The following DLG5 variants were observed in gnomAD, a reference collection of about 807,000 sequenced individuals.
The protein encoded by DLG5 is disks large homolog 5.
In DLG5, 48 loss-of-function variants were observed where a neutral mutation model predicts 189.8. The observed-to-expected ratio is 0.25, with a 90% CI of 0.20 to 0.32. The LOEUF is 0.32. Among genes scored for constraint, DLG5 ranks in the 10% least tolerant of loss-of-function variants. The pLI, the probability that DLG5 is intolerant of heterozygous loss-of-function variation, is 1.00. For missense variants in DLG5, 2,160 were observed against 2,544.7 expected, an observed-to-expected ratio of 0.85 and a Z score of 3.25; for synonymous variants, 1,016 against 1,054.1, an observed-to-expected ratio of 0.96 and a Z score of 0.70.
At chr10:77,911,844 C>T (rs1846230022) in intron 1 of DLG5, among the ~76,000 whole-genome samples, 3 of 151,236 alleles carry the variant, frequency 2.0e-5, no homozygotes, top group Non-Finnish European at 2.9e-5. Flanking sequence ...CGCATAAAAA[C>T]GAACAGTTCT....
intron 2 of DLG5, among the ~76,000 whole-genome samples, chr10:77,861,378 A>C (rs1844462790): frequency 6.6e-6 from 1 of 152,224 alleles, no homozygotes; most frequent in Non-Finnish European, 1.5e-5. Flanking sequence ...GCCTTTGGGG[A>C]GACAAGAAAT....
intron 1 of DLG5, among the ~76,000 whole-genome samples, chr10:77,875,466 A>G (rs1271074360): frequency 6.6e-6 from 1 of 152,070 alleles, no homozygotes; most frequent in Non-Finnish European, 1.5e-5. Flanking sequence ...ACAACACTCA[A>G]TAGGCATTCT....
chr10:77,809,843 C>T, intron 23 of DLG5, 113 bp from the exon 24 acceptor site: 8 of 1,282,172 alleles, frequency 6.2e-6, no homozygotes, highest in Non-Finnish European at 8.7e-6. Context: ...GTCTCAGAAC[C>T]ACAGGGAGCT....
intron 13 of DLG5, among the ~76,000 whole-genome samples, chr10:77,826,219 C>G (rs1309082275): frequency 6.6e-6 from 1 of 152,178 alleles, no homozygotes; most frequent in Non-Finnish European, 1.5e-5. Context: ...CAGCACGACA[C>G]AGATGTAAGT....
In DLG5 at chr10:77,862,328, G is replaced by C. The variant is rs147968890; in HGVS notation, c.374-5436C>G. ...CTGACCCTTGATCTAACCCCTAAGG[G>C]CCACAGGGAACAACTGGATTTCTTG... On this transcript the variant is annotated intron_variant, in intron 2 of 31. Transcript: ENST00000372391. Among the ~76,000 whole-genome samples the C allele has an allele frequency of 5.2e-3, 794 of 152,270 alleles. 3 individuals are homozygous for C. Among genetic ancestry groups the C allele is most frequent in the Middle Eastern group, 0.01 (3 of 294 alleles).
At chr10:77,841,303 C>T (rs912902909) in intron 7 of DLG5, among the ~76,000 whole-genome samples, 13 of 152,290 alleles carry the variant, frequency 8.5e-5, no homozygotes, top group African/African-American at 3.1e-4. Context: ...CTAGTGCTAC[C>T]AAACATCCCA....
chr10:77,873,031 G>GTGCGCGCA (rs201196944), intron 1 of DLG5, among the ~76,000 whole-genome samples: 2 of 45,530 alleles, frequency 4.4e-5, no homozygotes, highest in African/African-American at 1.0e-4. Context: ...GTGTGTGTGT[G>GTGCGCGCA]CACACACACA....
rs1186082543 is a variant in DLG5 at position 77,926,494 on chromosome 10, G to A, written c.27C>T (p.Leu9=). 2 of 1,411,744 alleles carry A rather than the reference G, an allele frequency of 1.4e-6. No individual in the cohort carries two copies. The highest frequency in any genetic ancestry group is 1.5e-5 in the South Asian group (1 of 66,064). 87.5% of individuals were successfully genotyped at this position (1,411,744 alleles called of 1,614,324 possible). A position where few individuals can be genotyped will look rare whatever the true frequency, so the allele number is the denominator to read the frequency against. Residue 9 remains leucine (L), a synonymous_variant, in exon 1 of 32, where the codon CTC becomes CTT. Coordinates refer to ENST00000372391, the MANE Select transcript of DLG5 (RefSeq NM_004747.4). This position sits in a 1 kb window ranked among gnomAD's most constrained non-coding sequence, Gnocchi z 5.2. The part of the protein sequence containing the change: MEPQRREL[L]AQCQQSLAQA... ...GGGCCAGGCTCTGCTGACACTGGGC[G>A]AGCAGCTCCCGGCGCTGGGGCTCCA... is the stretch of plus-strand genomic sequence containing the variant.
intron 1 of DLG5, among the ~76,000 whole-genome samples, chr10:77,923,401 T>A (rs1846591964): frequency 6.6e-6 from 1 of 152,096 alleles, no homozygotes; most frequent in Non-Finnish European, 1.5e-5. Context: ...GAATACTTCC[T>A]GGCTAAAAGA....
intron 1 of DLG5, among the ~76,000 whole-genome samples, chr10:77,887,942 CAG>C (rs1845488990): frequency 6.6e-6 from 1 of 152,188 alleles, no homozygotes; most frequent in African/African-American, 2.4e-5. Context: ...TCTCTCATGG[CAG>C]AGAGAGTTCC....
chr10:77,844,722 T>TA (rs1843600570), intron 5 of DLG5, among the ~76,000 whole-genome samples: 1 of 151,708 alleles, frequency 6.6e-6, no homozygotes. Flanking sequence ...ATCAAGAAAA[T>TA]AAAAAATAAA....
At chr10:77,871,346 T>C (rs988796618) in intron 1 of DLG5, among the ~76,000 whole-genome samples, 3 of 152,032 alleles carry the variant, frequency 2.0e-5, no homozygotes, top group African/African-American at 4.8e-5. Context: ...ATGGATGTCA[T>C]GGGGAAGTCT....
At chr10:77,868,230 T>C (rs978557953) in intron 2 of DLG5, 94 of 410,476 alleles carry the variant, frequency 2.3e-4, no homozygotes, top group African/African-American at 1.8e-3. Flanking sequence ...GGCTGGTCAC[T>C]GTCTTCCCTC....
At chr10:77,848,168 G>C (rs1843786142) in intron 5 of DLG5, among the ~76,000 whole-genome samples, 1 of 152,142 alleles carries the variant, frequency 6.6e-6, no homozygotes, top group East Asian at 1.9e-4. Context: ...GCTGTTCCCT[G>C]CAGGGAGGCC....
intron 5 of DLG5, among the ~76,000 whole-genome samples, chr10:77,849,274 T>A (rs765988681): frequency 1.3e-5 from 2 of 152,218 alleles, no homozygotes; most frequent in African/African-American, 4.8e-5. Context: ...TTACAAGGCG[T>A]GGGAGGAACC....
chr10:77,933,454 C>T, the DLG5 span, among the ~76,000 whole-genome samples: 29 of 151,982 alleles, frequency 1.9e-4, 1 homozygote, highest in African/African-American at 5.5e-4. Context: ...CCACCACGCT[C>T]GGCTAATTTT....
At chr10:77,892,443 A>ATGTG (rs1815064255) in intron 1 of DLG5, among the ~76,000 whole-genome samples, 1 of 152,200 alleles carries the variant, frequency 6.6e-6, no homozygotes, top group South Asian at 2.1e-4. Flanking sequence ...TTGACACTAG[A>ATGTG]TGTGTTCTTA....
At chr10:77,897,695 G>T (rs1047169365) in intron 1 of DLG5, among the ~76,000 whole-genome samples, 2 of 150,502 alleles carry the variant, frequency 1.3e-5, no homozygotes, top group Admixed American at 6.6e-5. Context: ...AGAGGGGGAG[G>T]GGGGAAAGGG....
rs1347744293 is a variant in DLG5 at position 77,887,896 on chromosome 10, ACAGCCAGCC to A, written c.305-18708_305-18700del. 2.6e-5 allele frequency among the ~76,000 whole-genome samples: 4 copies of A among 152,350 alleles called. No homozygotes were observed. The East Asian group carries it at 7.7e-4, about 29-fold the overall frequency. On this transcript the variant is annotated intron_variant, in intron 1 of 31. Coordinates refer to ENST00000372391, the MANE Select transcript of DLG5 (RefSeq NM_004747.4). ...GCTCACAGCAGCAGCAGCCGTGCCT[ACAGCCAGCC>A]GGCGATTTTCATCTGAAAAACTCAG... is the stretch of plus-strand genomic sequence containing the variant.
Sources: allele counts gnomAD v4.1 joint callset (sites outside exome capture counted in the v4.1 genomes callset), GRCh38; gene constraint gnomAD v4.1.1; non-coding constraint Gnocchi (gnomAD v3.1); transcripts MANE v1.5; gene names NCBI Gene and HGNC (gene_info 2026-07-23, HGNC 2026-07-21).